The following BNC2 variants were observed in gnomAD, a reference collection of about 807,000 sequenced individuals.
BNC2 encodes zinc finger protein basonuclin-2.
BNC2 carries 20 observed loss-of-function variants against 76.3 expected under a neutral mutation model. That is an observed-to-expected ratio of 0.26 (90% confidence interval 0.18 to 0.38). The LOEUF (loss-of-function observed/expected upper bound fraction) is 0.38. Among genes scored for constraint, BNC2 ranks in the 10% least tolerant of loss-of-function variants. The pLI is 1.00. For synonymous variants in BNC2, 582 were observed against 514.8 expected, an observed-to-expected ratio of 1.13 and a Z score of -1.77; for missense variants, 1,382 against 1,399.8, an observed-to-expected ratio of 0.99 and a Z score of 0.20.
At chr9:16,697,156 C>A (rs187995759) in intron 3 of BNC2, among the ~76,000 whole-genome samples, 2 of 149,936 alleles carry the variant, frequency 1.3e-5, no homozygotes, top group Non-Finnish European at 3.0e-5. Flanking sequence ...GTCAGGATTT[C>A]GAGACCAGCC....
At chr9:16,606,036 G>T (rs139999658) in intron 3 of BNC2, among the ~76,000 whole-genome samples, 1 of 152,110 alleles carries the variant, frequency 6.6e-6, no homozygotes, top group Non-Finnish European at 1.5e-5. Context: ...GACCCATGGC[G>T]CCCAGTCAAG....
chr9:16,851,852 T>C (rs1270301832), intron 1 of BNC2, among the ~76,000 whole-genome samples: 5 of 152,204 alleles, frequency 3.3e-5, no homozygotes. Context: ...CACATACTTC[T>C]CACACATATG....
chr9:16,466,007 A>G (rs1363806567), intron 5 of BNC2, among the ~76,000 whole-genome samples: 1 of 126,674 alleles, frequency 7.9e-6, no homozygotes, highest in Non-Finnish European at 1.6e-5. Flanking sequence ...TCAATGTACA[A>G]AAATCACAAG....
At position 16,727,737 on chromosome 9, in the gene BNC2, A is replaced by G. The variant is rs892151954; in HGVS notation, c.330+60T>C. On this transcript the variant is annotated intron_variant, in intron 3 of 6. Transcript: ENST00000380672. Reference sequence around the variant, plus strand: ...AAAAACACCAGAAACAAAAGTGCCCATAACAATTCAAGGTTTCTTAAAAAA... The same window carrying G: ...AAAAACACCAGAAACAAAAGTGCCCGTAACAATTCAAGGTTTCTTAAAAAA... 2.8e-6 allele frequency: 4 copies of G among 1,438,564 alleles called. No homozygotes were observed. The East Asian group carries it at 6.8e-5, about 24-fold the overall frequency. 89.1% of individuals were successfully genotyped at this position (1,438,564 alleles called of 1,614,324 possible).
intron 1 of BNC2, among the ~76,000 whole-genome samples, chr9:16,764,248 T>C (rs1233799061): frequency 1.3e-5 from 2 of 152,212 alleles, no homozygotes; most frequent in Non-Finnish European, 2.9e-5. Flanking sequence ...ATGACATTTA[T>C]ATTACATTTG....
chr9:16,456,530 CA>C (rs35557788), intron 5 of BNC2, among the ~76,000 whole-genome samples: 19,573 of 107,166 alleles, frequency 0.18, 1,766 homozygotes, highest in African/African-American at 0.33. Context: ...GACTCCGTCT[CA>C]AAAAAAAAAA....
chr9:16,786,825 A>G (rs1357464431), intron 1 of BNC2, among the ~76,000 whole-genome samples: 2 of 152,236 alleles, frequency 1.3e-5, no homozygotes, highest in South Asian at 2.1e-4. Context: ...CTGCGGCACA[A>G]TAACTCCCAC....
chr9:16,665,211 A>G (rs1467093402), intron 3 of BNC2: 1 of 383,270 alleles, frequency 2.6e-6, no homozygotes, highest in Non-Finnish European at 5.0e-6. Context: ...TCTACTAAAA[A>G]TAGAAAAAAT....
chr9:16,582,900 C>CACACACACACACACACACAA, intron 4 of BNC2, 83 bp downstream of exon 4: 1 of 829,992 alleles, frequency 1.2e-6, no homozygotes, highest in African/African-American at 1.7e-5. Context: ...CAGACACACA[C>CACACACACACACACACACAA]ACACACACAC....
intron 5 of BNC2, among the ~76,000 whole-genome samples, chr9:16,470,940 C>G (rs1421231687): frequency 6.6e-6 from 1 of 152,166 alleles, no homozygotes; most frequent in Non-Finnish European, 1.5e-5. Flanking sequence ...GACCTTTAGA[C>G]CCGAGAATGG....
At chr9:16,459,982 G>A (rs1335509971) in intron 5 of BNC2, among the ~76,000 whole-genome samples, 6 of 152,292 alleles carry the variant, frequency 3.9e-5, no homozygotes, top group Non-Finnish European at 5.9e-5. Flanking sequence ...GAAAGCGCAC[G>A]TGCAAGTGAG....
intron 1 of BNC2, among the ~76,000 whole-genome samples, chr9:16,738,930 G>A (rs1233851198): frequency 6.7e-6 from 1 of 149,690 alleles, no homozygotes; most frequent in African/African-American, 2.5e-5. Flanking sequence ...TAGTACAGGA[G>A]ATAAGCTATG....
At chr9:16,746,640 C>T (rs1025867631) in intron 1 of BNC2, among the ~76,000 whole-genome samples, 3 of 150,962 alleles carry the variant, frequency 2.0e-5, no homozygotes, top group African/African-American at 7.3e-5. Context: ...GCTGGGATTG[C>T]AGGCGTGAAC....
At chr9:16,795,381 GGC>G (rs1454314686) in intron 1 of BNC2, among the ~76,000 whole-genome samples, 31 of 92,004 alleles carry the variant, frequency 3.4e-4, no homozygotes, top group African/African-American at 8.6e-4. Context: ...TGCTAATTCT[GGC>G]TTTTTTTTTT....
At chr9:16,804,320 C>A (rs1193135796) in intron 1 of BNC2, among the ~76,000 whole-genome samples, 1 of 152,174 alleles carries the variant, frequency 6.6e-6, no homozygotes, top group Admixed American at 6.5e-5. Context: ...GATGTAAGTA[C>A]TATCATTGTC....
chr9:16,705,665 T>TC lies in BNC2; in HGVS notation c.330+22131dup, dbSNP rs397729705. Among the ~76,000 whole-genome samples the TC allele has an allele frequency of 5.7e-3, 856 of 150,112 alleles. 7 individuals carry two copies. The highest frequency in any genetic ancestry group is 0.01 in the Middle Eastern group (3 of 294). ...TGATAGTGTGGCTTGGGTTTTTTTT[T>TC]CCCTCCTTTGTTTGTTTTGGACTTT... On this transcript the variant is annotated intron_variant, in intron 3 of 6. Coordinates refer to ENST00000380672, the MANE Select transcript of BNC2 (RefSeq NM_017637.6).
chr9:16,803,485 G>A (rs1169875345), intron 1 of BNC2, among the ~76,000 whole-genome samples: 2 of 152,202 alleles, frequency 1.3e-5, no homozygotes, highest in African/African-American at 4.8e-5. Flanking sequence ...GAGACATTGT[G>A]AATATTTGGA....
At chr9:16,713,599 T>G (rs745789846) in intron 3 of BNC2, among the ~76,000 whole-genome samples, 9 of 152,112 alleles carry the variant, frequency 5.9e-5, no homozygotes, top group Non-Finnish European at 1.3e-4. Flanking sequence ...TGTAGATGGT[T>G]GGTGCCACTG....
At chr9:16,506,518 T>G (rs1335463867) in intron 5 of BNC2, among the ~76,000 whole-genome samples, 29 of 82,072 alleles carry the variant, frequency 3.5e-4, no homozygotes, top group African/African-American at 1.2e-3. Context: ...CTCCTCTTTT[T>G]TTTTTTTTTT....
Sources: allele counts gnomAD v4.1 joint callset (sites outside exome capture counted in the v4.1 genomes callset), GRCh38; gene constraint gnomAD v4.1.1; transcripts MANE v1.5; gene names NCBI Gene and HGNC (gene_info 2026-07-23, HGNC 2026-07-21).